Variants in MED12L observed in about 807,000 individuals in gnomAD.
MED12L encodes the protein mediator of RNA polymerase II transcription subunit 12-like protein.
MED12L carries 60 observed loss-of-function variants against 281.3 expected under a neutral mutation model. The ratio of observed to expected loss-of-function variants is 0.21; its 90% CI spans 0.17 to 0.26. The LOEUF (loss-of-function observed/expected upper bound fraction) is 0.26. MED12L is among the 10% of genes least tolerant of loss of function. MED12L has a pLI of 1.00. For synonymous variants in MED12L, 974 were observed against 987.2 expected, an observed-to-expected ratio of 0.99 and a Z score of 0.25; for missense variants, 2,146 against 2,680.9, an observed-to-expected ratio of 0.80 and a Z score of 4.41.
At chr3:151,160,752 G>T (rs1409696059) in intron 8 of MED12L, among the ~76,000 whole-genome samples, 1 of 152,170 alleles carries the variant, frequency 6.6e-6, no homozygotes, top group African/African-American at 2.4e-5. Context: ...GGAAAACTGG[G>T]TCATAAATGG....
At chr3:151,359,778 G>T (rs573015581) in intron 20 of MED12L, among the ~76,000 whole-genome samples, 1 of 152,138 alleles carries the variant, frequency 6.6e-6, no homozygotes, top group Non-Finnish European at 1.5e-5. Context: ...ATACAAGATG[G>T]TGATGGAATC....
At chr3:151,334,196 CT>C (rs71138494) in intron 16 of MED12L, among the ~76,000 whole-genome samples, 15 of 118,188 alleles carry the variant, frequency 1.3e-4, no homozygotes, top group Non-Finnish European at 1.5e-4. Context: ...TTCTTTCTTT[CT>C]TTTTTTTTTT....
chr3:151,373,330 G>C (rs936220166), intron 27 of MED12L, among the ~76,000 whole-genome samples: 1 of 152,142 alleles, frequency 6.6e-6, no homozygotes, highest in Non-Finnish European at 1.5e-5. Flanking sequence ...TGCACCTCAA[G>C]GGTGATGTTA....
At chr3:151,302,700 A>G (rs1412868816) in intron 16 of MED12L, among the ~76,000 whole-genome samples, 2 of 152,034 alleles carry the variant, frequency 1.3e-5, no homozygotes, top group Admixed American at 1.3e-4. Flanking sequence ...TGCCCTGTGA[A>G]TGGCCTCCTT....
chr3:151,198,987 T>A, intron 16 of MED12L: 7 of 1,614,076 alleles, frequency 4.3e-6, no homozygotes, highest in Non-Finnish European at 5.9e-6. Context: ...ACGGTTGATA[T>A]CATTTTGGCA....
chr3:151,105,945 A>G (rs1721959901), intron 2 of MED12L, among the ~76,000 whole-genome samples: 1 of 152,176 alleles, frequency 6.6e-6, no homozygotes, highest in Non-Finnish European at 1.5e-5. Flanking sequence ...ATCGTTGACA[A>G]CCTTGCTGTT....
rs1024911757 is a variant in MED12L, at chr3:151,434,526, GTATCATC to G, written c.*1727_*1733del. Reference sequence around the variant, plus strand: ...AATAGTCTATCTGCTTTCAGAAGATGTATCATCTATCTGTACACATTTTTGCTGGTTT... The same window carrying G: ...AATAGTCTATCTGCTTTCAGAAGATGTATCTGTACACATTTTTGCTGGTTT... On this transcript the variant is annotated 3_prime_UTR_variant, in exon 45 of 45. Coordinates refer to ENST00000687756, the MANE Select transcript of MED12L (RefSeq NM_001393769.1). 2.1e-5 allele frequency: 1 copy of G among 47,388 alleles called. No homozygotes were observed. Among genetic ancestry groups the G allele is most frequent in the African/African-American group, 6.9e-5 (1 of 14,468 alleles). The allele number at this position is 47,388 out of a possible 1,614,324, so 2.9% of individuals were successfully genotyped here.
At chr3:151,347,524 G>A (rs188621837) in intron 16 of MED12L, among the ~76,000 whole-genome samples, 1 of 152,288 alleles carries the variant, frequency 6.6e-6, no homozygotes, top group Admixed American at 6.5e-5. Context: ...ATAAACTGGA[G>A]TGACAGAGTG....
chr3:151,319,067 G>A (rs1748662803), intron 16 of MED12L, among the ~76,000 whole-genome samples: 1 of 152,126 alleles, frequency 6.6e-6, no homozygotes, highest in Non-Finnish European at 1.5e-5. Flanking sequence ...AAAAGTTAAC[G>A]CAAGGCAGCC....
Position 151,256,551 on chromosome 3 carries a change from A to AT in MED12L, c.2250+62892dup, listed in dbSNP as rs1479053214. 4.6e-5 allele frequency among the ~76,000 whole-genome samples: 7 copies of AT among 152,128 alleles called. No individual in the cohort carries two copies. In the East Asian group the frequency reaches 1.2e-3, roughly 25 times the overall value. The stretch of plus-strand genomic sequence containing the variant: ...CAACCACAGAAATTAGGGTTTTGCT[A>AT]TTTTTTTCCTAATGTAGGCAAAACA... On this transcript the variant is annotated intron_variant, in intron 16 of 44. Transcript: ENST00000687756.
chr3:151,418,890 G>C (rs112074638), intron 43 of MED12L, among the ~76,000 whole-genome samples: 4 of 151,562 alleles, frequency 2.6e-5, no homozygotes, highest in Admixed American at 2.6e-4. Flanking sequence ...CATAATATTT[G>C]TACATATTTA....
chr3:151,242,622 A>G (rs1015092789), intron 16 of MED12L, among the ~76,000 whole-genome samples: 2 of 152,198 alleles, frequency 1.3e-5, no homozygotes, highest in African/African-American at 4.8e-5. Context: ...TCTGTACATC[A>G]CCATCATCAA....
chr3:151,189,974 G>C (rs1190368032), intron 13 of MED12L, among the ~76,000 whole-genome samples: 1 of 151,744 alleles, frequency 6.6e-6, no homozygotes, highest in Admixed American at 6.6e-5. Flanking sequence ...TTTAAATTGT[G>C]GTTCAATTGT....
chr3:151,283,577 C>T (rs1743091661), intron 16 of MED12L, among the ~76,000 whole-genome samples: 1 of 152,202 alleles, frequency 6.6e-6, no homozygotes, highest in South Asian at 2.1e-4. Flanking sequence ...TCAGTGTTGT[C>T]ATTATTCTTC....
Position 151,355,909 on chromosome 3 carries a change from T to C in MED12L, c.2531T>C (p.Val844Ala). Reference protein sequence around the residue: ...HQVTSQISNNVLEQITSFASG... With the variant: ...HQVTSQISNNALEQITSFASG... ...TTATTTGCACAGATTTCTAACAATG[T>C]GCTAGAACAAATCACAAGCTTTGCG... is the stretch of plus-strand genomic sequence containing the variant. The change falls in exon 19 of 45, where the codon GTG becomes GCG. Residue 844 changes from valine to alanine, a missense_variant. Val to Ala is a moderately conservative substitution (Grantham distance 64). Transcript: ENST00000687756. 6.2e-7 allele frequency: 1 copy of C among 1,613,532 alleles called. No homozygotes were observed. Among genetic ancestry groups the C allele is most frequent in the Non-Finnish European group, 8.5e-7 (1 of 1,179,860 alleles).
In MED12L at chr3:151,254,817, T is replaced by G. The variant is rs540474495; in HGVS notation, c.2250+61151T>G. Among the ~76,000 whole-genome samples the G allele has an allele frequency of 6.6e-4, 100 of 152,350 alleles. 3 individuals carry two copies. In the South Asian group the frequency reaches 0.02, roughly 31 times the overall value. ...ACCTCTAGCTTACCAGTTTTAGGCC[T>G]TTTGCTTTTGGCAGGTTGCAATTAT... On this transcript the variant is annotated intron_variant, in intron 16 of 44. Transcript: ENST00000687756.
intron 2 of MED12L, among the ~76,000 whole-genome samples, chr3:151,096,139 A>G (rs976290459): frequency 6.6e-6 from 1 of 152,208 alleles, no homozygotes; most frequent in East Asian, 1.9e-4. Flanking sequence ...CAACAAGCCT[A>G]TGGAGAAAAG....
At chr3:151,383,497 A>G (rs527834933) in intron 33 of MED12L, among the ~76,000 whole-genome samples, 4 of 152,246 alleles carry the variant, frequency 2.6e-5, no homozygotes, top group East Asian at 1.9e-4. Flanking sequence ...ACTGGACATC[A>G]TAAAAGATTT....
In MED12L at chr3:151,188,350, G is replaced by A. The variant is rs200614341; in HGVS notation, c.1627-4G>A. ...TAACTTTGTTATTTATTTTTAATCT[G>A]TAGAGATGTGGTGAATCAGAAGTCT... On this transcript the variant is annotated splice_region_variant and splice_polypyrimidine_tract_variant and intron_variant, in intron 12 of 44. Transcript: ENST00000687756. 128 of 1,594,608 alleles carry A rather than the reference G, an allele frequency of 8.0e-5. No individual in the cohort carries two copies. Among genetic ancestry groups the A allele is most frequent in the Non-Finnish European group, 1.0e-4 (122 of 1,163,108 alleles).
Sources: gnomAD v4.1 joint callset for allele counts (sites outside exome capture counted in the v4.1 genomes callset) on GRCh38, gnomAD v4.1.1 for gene constraint, MANE v1.5 for transcripts, NCBI Gene and HGNC (gene_info 2026-07-23, HGNC 2026-07-21) for gene names.